SORCS1: variants seen among roughly 807,000 people sequenced by gnomAD.
SORCS1 encodes the protein sortilin related VPS10 domain containing receptor 1, also known as VPS10 domain-containing receptor SorCS1.
Under a neutral mutation model 146.1 loss-of-function variants are expected in SORCS1, and 60 were observed. That is an observed-to-expected ratio of 0.41 (90% CI 0.33 to 0.51). The LOEUF is 0.51. Among genes scored for constraint, SORCS1 ranks in the 20% least tolerant of loss-of-function variants. SORCS1 has a pLI of 0.21. For synonymous variants in SORCS1, 637 were observed against 584.0 expected, an observed-to-expected ratio of 1.09 and a Z score of -1.31; for missense variants, 1,352 against 1,487.6, an observed-to-expected ratio of 0.91 and a Z score of 1.50.
intron 2 of SORCS1, among the ~76,000 whole-genome samples, chr10:106,857,868 T>C (rs918252728): frequency 6.6e-6 from 1 of 152,214 alleles, no homozygotes; most frequent in African/African-American, 2.4e-5. Flanking sequence ...AAGAATATAA[T>C]AGGCAATCTA....
chr10:107,025,948 T>C (rs1958381411), intron 1 of SORCS1, among the ~76,000 whole-genome samples: 1 of 152,160 alleles, frequency 6.6e-6, no homozygotes, highest in African/African-American at 2.4e-5. Flanking sequence ...CAACTGAATG[T>C]CAGCCTTGAG....
intron 2 of SORCS1, among the ~76,000 whole-genome samples, chr10:106,841,572 C>T (rs868851521): frequency 4.9e-4 from 75 of 152,264 alleles, no homozygotes; most frequent in African/African-American, 1.6e-3. Flanking sequence ...TTTATATGCA[C>T]TGAGAAAGCA....
At chr10:107,169,287 T>A (rs1970110763), upstream of SORCS1, among the ~76,000 whole-genome samples, 1 of 152,192 alleles carries the variant, frequency 6.6e-6, no homozygotes, top group South Asian at 2.1e-4. Flanking sequence ...TCAGATCAAT[T>A]TCATGAAGAA....
chr10:106,770,478 C>T (rs948733613), intron 4 of SORCS1, among the ~76,000 whole-genome samples: 16 of 108,054 alleles, frequency 1.5e-4, no homozygotes, highest in East Asian at 5.5e-4. Flanking sequence ...TTCAAAAAAT[C>T]GCAAAAAAAA....
At chr10:106,897,534 C>T (rs1951536334) in intron 2 of SORCS1, among the ~76,000 whole-genome samples, 1 of 152,110 alleles carries the variant, frequency 6.6e-6, no homozygotes, top group South Asian at 2.1e-4. Flanking sequence ...ATCATAAAAA[C>T]ATCAGCTTTT....
intron 4 of SORCS1, among the ~76,000 whole-genome samples, chr10:106,766,423 C>G (rs1218634610): frequency 6.6e-6 from 1 of 152,102 alleles, no homozygotes; most frequent in Non-Finnish European, 1.5e-5. Context: ...TTCCTAATGC[C>G]AGGCCTGAGG....
chr10:107,025,537 G>A (rs1264488766), intron 1 of SORCS1, among the ~76,000 whole-genome samples: 5 of 152,292 alleles, frequency 3.3e-5, no homozygotes, highest in African/African-American at 1.2e-4. Flanking sequence ...GATGTTTAGT[G>A]TATTTGCATA....
intron 1 of SORCS1, among the ~76,000 whole-genome samples, chr10:107,033,140 G>A (rs765752625): frequency 1.3e-5 from 2 of 152,180 alleles, no homozygotes; most frequent in Non-Finnish European, 2.9e-5. Context: ...GAAGGCAAAG[G>A]AGAAACAAGC....
intron 1 of SORCS1, among the ~76,000 whole-genome samples, chr10:107,102,300 G>A (rs1475118435): frequency 6.6e-6 from 1 of 152,148 alleles, no homozygotes; most frequent in African/African-American, 2.4e-5. Flanking sequence ...GAAAACGTAT[G>A]GCCCTTCTCA....
At chr10:106,651,901 C>A (rs545335159) in intron 18 of SORCS1, among the ~76,000 whole-genome samples, 1 of 152,276 alleles carries the variant, frequency 6.6e-6, no homozygotes, top group South Asian at 2.1e-4. Flanking sequence ...AAACTCTTAA[C>A]TGCCAAAGAA....
intron 2 of SORCS1, among the ~76,000 whole-genome samples, chr10:106,924,461 T>TTATCTATCTATCTATC (rs570328127): frequency 3.2e-5 from 4 of 125,598 alleles, no homozygotes; most frequent in Non-Finnish European, 3.5e-5. Flanking sequence ...AATTCCACAG[T>TTATCTATCTATCTATC]TATCGATCTA....
intron 3 of SORCS1, among the ~76,000 whole-genome samples, chr10:106,819,814 A>G (rs1460166710): frequency 6.6e-6 from 1 of 152,220 alleles, no homozygotes; most frequent in African/African-American, 2.4e-5. Context: ...GAAAGTCTTA[A>G]TAAGTTCCTG....
At chr10:106,620,352 A>T in intron 20 of SORCS1, 76 bp downstream of exon 20, 1 of 1,544,616 alleles carries the variant, frequency 6.5e-7, no homozygotes, top group Middle Eastern at 1.8e-4. Context: ...TTCATAAGCC[A>T]TTTCATTCCC....
intron 1 of SORCS1, among the ~76,000 whole-genome samples, chr10:107,039,334 A>AG (rs904231271): frequency 2.0e-5 from 3 of 149,780 alleles, no homozygotes; most frequent in Admixed American, 1.3e-4. Context: ...CAAATAAAGA[A>AG]AAAAAAAAAA....
chr10:107,109,010 T>C (rs1215274560), intron 1 of SORCS1, among the ~76,000 whole-genome samples: 8 of 152,202 alleles, frequency 5.3e-5, no homozygotes, highest in Non-Finnish European at 5.9e-5. Flanking sequence ...ATGGGGGTGA[T>C]GGTGCAACAG....
intron 2 of SORCS1, among the ~76,000 whole-genome samples, chr10:106,859,479 C>T (rs765986101): frequency 1.3e-5 from 2 of 152,262 alleles, no homozygotes; most frequent in East Asian, 1.9e-4. Context: ...CTGCAAGCTC[C>T]GCCTCCCGGG....
chr10:107,126,085 T>C (rs1590194356), intron 1 of SORCS1, among the ~76,000 whole-genome samples: 1 of 152,214 alleles, frequency 6.6e-6, no homozygotes, highest in South Asian at 2.1e-4. Context: ...TACCTCCTGT[T>C]TGACCTTGGC....
At chr10:106,710,521 C>A (rs545440944) in intron 6 of SORCS1, among the ~76,000 whole-genome samples, 1 of 151,712 alleles carries the variant, frequency 6.6e-6, no homozygotes, top group South Asian at 2.1e-4. Flanking sequence ...CAGTTGAGAC[C>A]CTGGATCTCA....
At chr10:106,916,575 T>TAC (rs59313831) in intron 2 of SORCS1, among the ~76,000 whole-genome samples, 5,910 of 142,764 alleles carry the variant, frequency 0.041, 236 homozygotes, top group South Asian at 0.12. Flanking sequence ...TGCATATATA[T>TAC]ACACACACAC....
Sources: gnomAD v4.1 joint callset for allele counts (sites outside exome capture counted in the v4.1 genomes callset) on GRCh38, gnomAD v4.1.1 for gene constraint, MANE v1.5 for transcripts, NCBI Gene and HGNC (gene_info 2026-07-23, HGNC 2026-07-21) for gene names.